Variants in ANKRD44 observed in about 807,000 individuals in gnomAD.
The protein encoded by ANKRD44 is serine/threonine-protein phosphatase 6 regulatory ankyrin repeat subunit B.
Under a neutral mutation model 116.0 loss-of-function variants are expected in ANKRD44, and 35 were observed. The ratio of observed to expected loss-of-function variants is 0.30; its 90% CI spans 0.23 to 0.40. ANKRD44 has a LOEUF of 0.40. Among genes scored for constraint, ANKRD44 ranks in the 10% least tolerant of loss-of-function variants. ANKRD44 has a pLI of 1.00. For missense variants in ANKRD44, 1,014 were observed against 1,242.6 expected (o/e 0.82, Z 2.77); for synonymous variants, 435 against 461.8 (o/e 0.94, Z 0.74).
At chr2:197,233,925 T>C (rs1052737720) in intron 1 of ANKRD44, among the ~76,000 whole-genome samples, 1 of 152,256 alleles carries the variant, frequency 6.6e-6, no homozygotes, top group African/African-American at 2.4e-5. Flanking sequence ...ACAAGATGAA[T>C]AGGCTCTAGA....
chr2:196,987,776 T>TA lies in ANKRD44; in HGVS notation c.*1814dup. On this transcript the variant is annotated 3_prime_UTR_variant, in exon 28 of 28. Transcript: ENST00000282272. ...GAAACATGATCCTTGTAGTTGTGGT[T>TA]AAAATACAGTCTAAAAATAACACAA... 5.1e-6 allele frequency: 5 copies of TA among 985,364 alleles called. No homozygotes were observed. The highest frequency in any genetic ancestry group is 6.0e-6 in the Non-Finnish European group (5 of 829,902). The allele number at this position is 985,364 out of a possible 1,614,324, so 61.0% of individuals were successfully genotyped here.
chr2:197,297,336 A>C (rs1287011417), intron 1 of ANKRD44, among the ~76,000 whole-genome samples: 1 of 152,250 alleles, frequency 6.6e-6, no homozygotes, highest in Non-Finnish European at 1.5e-5. Flanking sequence ...AGAGAGAGAA[A>C]GAAGACTAGT....
chr2:197,040,134 G>C (rs1464891950), intron 16 of ANKRD44, among the ~76,000 whole-genome samples: 2 of 151,960 alleles, frequency 1.3e-5, no homozygotes, highest in Non-Finnish European at 2.9e-5. Context: ...AGCTACTCAG[G>C]AGGCTGAGGC....
chr2:197,096,155 G>A (rs1383828110), intron 10 of ANKRD44, among the ~76,000 whole-genome samples: 1 of 152,034 alleles, frequency 6.6e-6, no homozygotes, highest in Non-Finnish European at 1.5e-5. Flanking sequence ...CCCAGCAATC[G>A]CTCTGGCATC....
rs1039884237 is a variant in ANKRD44 at position 197,203,022 on chromosome 2, G to A, written c.28-15916C>T. Reference sequence around the variant, plus strand: ...TAGGGATGCAAATCCTAGCACAAGCGCTTGCAAAGGCTCTCCAGGTGACTC... The same window carrying A: ...TAGGGATGCAAATCCTAGCACAAGCACTTGCAAAGGCTCTCCAGGTGACTC... On this transcript the variant is annotated intron_variant, in intron 1 of 27. Coordinates refer to ENST00000282272, the MANE Select transcript of ANKRD44 (RefSeq NM_001195144.2). This position sits in a 1 kb window ranked among gnomAD's most constrained non-coding sequence, Gnocchi z 4.1. Among the ~76,000 whole-genome samples the A allele has an allele frequency of 1.3e-5, 2 of 152,100 alleles. No homozygotes were observed. Among genetic ancestry groups the A allele is most frequent in the African/African-American group, 2.4e-5 (1 of 41,410 alleles).
Position 197,112,854 on chromosome 2 carries a change from T to C in ANKRD44, c.907-2010A>G, listed in dbSNP as rs186020290. Reference sequence around the variant, plus strand: ...GCTTTGGACTGTGGGCTAAAATAGGTTATAAAACCAAGGTTTTAACACAAG... The same window carrying C: ...GCTTTGGACTGTGGGCTAAAATAGGCTATAAAACCAAGGTTTTAACACAAG... On this transcript the variant is annotated intron_variant, in intron 8 of 27. Transcript: ENST00000282272. Among the ~76,000 whole-genome samples, 17 of 152,116 alleles carry C rather than the reference T, an allele frequency of 1.1e-4. No individual in the cohort carries two copies. The East Asian group carries it at 3.3e-3, about 29-fold the overall frequency.
At chr2:196,991,838 C>A (rs1318225438) in intron 27 of ANKRD44, among the ~76,000 whole-genome samples, 2 of 152,026 alleles carry the variant, frequency 1.3e-5, no homozygotes, top group African/African-American at 4.8e-5. Flanking sequence ...GCGATCCTCC[C>A]ACCTTGGCTT....
intron 16 of ANKRD44, among the ~76,000 whole-genome samples, chr2:197,045,213 C>A: frequency 6.6e-6 from 1 of 151,808 alleles, no homozygotes; most frequent in East Asian, 1.9e-4. Context: ...TTCTTTTTAT[C>A]CTTTCTACCT....
At chr2:197,153,349 A>C (rs1210487701) in intron 2 of ANKRD44, among the ~76,000 whole-genome samples, 1 of 152,082 alleles carries the variant, frequency 6.6e-6, no homozygotes, top group Non-Finnish European at 1.5e-5. Flanking sequence ...CTAAAATTAA[A>C]GAAGCTGGGA....
At chr2:197,193,587 A>G (rs140212204) in intron 1 of ANKRD44, among the ~76,000 whole-genome samples, 219 of 152,288 alleles carry the variant, frequency 1.4e-3, no homozygotes, top group African/African-American at 5.1e-3. Flanking sequence ...GTGTTTAAAA[A>G]ATAACGTAAC....
At chr2:197,242,910 A>T (rs990184063) in intron 1 of ANKRD44, among the ~76,000 whole-genome samples, 2 of 152,188 alleles carry the variant, frequency 1.3e-5, no homozygotes. Context: ...GCTAACCACA[A>T]CCAGATGTAA....
In ANKRD44 at chr2:197,273,981, ATATATATATATATATATAT is replaced by A. The variant is rs1289951018; in HGVS notation, c.27+36578_27+36596del. 3.3e-3 allele frequency among the ~76,000 whole-genome samples: 79 copies of A among 23,976 alleles called. 7 individuals are homozygous for A. Among genetic ancestry groups the A allele is most frequent in the African/African-American group, 0.017 (74 of 4,394 alleles). 15.7% of individuals were successfully genotyped at this position (23,976 alleles called of 152,430 possible). On this transcript the variant is annotated intron_variant, in intron 1 of 27. Coordinates refer to ENST00000282272, the MANE Select transcript of ANKRD44 (RefSeq NM_001195144.2). ...ACCACAAAAAAAAAAAAAAAAAAAAATATATATATATATATATATATATATATATATATATATATATATA... is the reference window on the plus strand; with the variant it reads ...ACCACAAAAAAAAAAAAAAAAAAAAAATATATATATATATATATATATATA...
In ANKRD44 at chr2:197,133,951, T is replaced by TC. The variant is rs1157642896; in HGVS notation, c.261+2640_261+2641insG. The TC allele has an allele frequency of 1.2e-3, 89 of 73,200 alleles. 1 individual carries two copies. The highest frequency in any genetic ancestry group is 4.0e-3 in the African/African-American group (77 of 19,082). 4.5% of individuals were successfully genotyped at this position (73,200 alleles called of 1,614,324 possible). A position where few individuals can be genotyped will look rare whatever the true frequency, so the allele number is the denominator to read the frequency against. On this transcript the variant is annotated intron_variant, in intron 4 of 27. Transcript: ENST00000282272. ...TCTTTTCTTTTCTTTTTCTTTCTTT[T>TC]TTTTTTTTTTTTTTTTTTTGAGATG...
intron 5 of ANKRD44, 31 bp from the exon 6 acceptor site, chr2:197,125,499 T>C: frequency 6.3e-7 from 1 of 1,594,584 alleles, no homozygotes; most frequent in Non-Finnish European, 8.6e-7. Context: ...AAATCAAGCA[T>C]ACATTCTGTA....
chr2:196,983,061 C>T (rs1429494019), downstream of ANKRD44, among the ~76,000 whole-genome samples: 1 of 151,974 alleles, frequency 6.6e-6, no homozygotes, highest in African/African-American at 2.4e-5. Context: ...AGCATTAGGA[C>T]AAATACCTAA....
intron 1 of ANKRD44, among the ~76,000 whole-genome samples, chr2:197,276,704 C>A (rs1376654555): frequency 6.6e-6 from 1 of 151,836 alleles, no homozygotes; most frequent in Non-Finnish European, 1.5e-5. Context: ...TGTGTGAGTT[C>A]TATTATCTGT....
intron 1 of ANKRD44, among the ~76,000 whole-genome samples, chr2:197,276,926 ATTTT>A (rs371691153): frequency 2.9e-5 from 4 of 136,010 alleles, no homozygotes; most frequent in Admixed American, 7.6e-5. Context: ...GAACCCAGGA[ATTTT>A]TTTTTTTTTT....
intron 16 of ANKRD44, among the ~76,000 whole-genome samples, chr2:197,058,487 T>C (rs2125042856): frequency 6.6e-6 from 1 of 151,596 alleles, no homozygotes; most frequent in Non-Finnish European, 1.5e-5. Context: ...TTATACAAGA[T>C]GAGGAAAAAA....
chr2:197,074,777 G>A (rs1279506604), intron 16 of ANKRD44, among the ~76,000 whole-genome samples: 1 of 152,104 alleles, frequency 6.6e-6, no homozygotes, highest in Admixed American at 6.6e-5. Flanking sequence ...ACTGCACCTG[G>A]CCATAAGTCT....
Sources: allele counts gnomAD v4.1 joint callset (sites outside exome capture counted in the v4.1 genomes callset), GRCh38; gene constraint gnomAD v4.1.1; non-coding constraint Gnocchi (gnomAD v3.1); transcripts MANE v1.5; gene names NCBI Gene and HGNC (gene_info 2026-07-23, HGNC 2026-07-21).